The following MAGI2 variants were observed in gnomAD, a reference collection of about 807,000 sequenced individuals.
MAGI2 encodes the protein membrane-associated guanylate kinase, WW and PDZ domain-containing protein 2.
Under a neutral mutation model 133.3 loss-of-function variants are expected in MAGI2, and 35 were observed. That is an observed-to-expected ratio of 0.26 (90% CI 0.20 to 0.35). The LOEUF (loss-of-function observed/expected upper bound fraction) is 0.35. Among genes scored for constraint, MAGI2 ranks in the 10% least tolerant of loss-of-function variants. The pLI, the probability that MAGI2 is intolerant of heterozygous loss-of-function variation, is 1.00. For synonymous variants in MAGI2, 729 were observed against 710.6 expected (o/e 1.03, Z -0.41); for missense variants, 1,636 against 1,863.4 (o/e 0.88, Z 2.25).
At chr7:78,730,349 T>C (rs1337011405) in intron 2 of MAGI2, among the ~76,000 whole-genome samples, 1 of 150,536 alleles carries the variant, frequency 6.6e-6, no homozygotes, top group Non-Finnish European at 1.5e-5. Flanking sequence ...AGGAATGAAT[T>C]CCACGAATAT....
chr7:78,314,455 A>G (rs192333116), intron 9 of MAGI2, among the ~76,000 whole-genome samples: 2 of 152,296 alleles, frequency 1.3e-5, no homozygotes, highest in East Asian at 3.9e-4. Context: ...AGGGCATGGA[A>G]AAAGATGACT....
intron 6 of MAGI2, among the ~76,000 whole-genome samples, chr7:78,488,409 C>A (rs4996260): frequency 0.66 from 99,757 of 151,918 alleles, 33,234 homozygotes; most frequent in South Asian, 0.83. Flanking sequence ...TGAGAAGTTC[C>A]ATATGTCACA....
rs1353728930 is a variant in MAGI2, at chr7:79,453,126, C to A, written c.195G>T (p.Leu65=). ...CGGGGGTCTCGTTCACCTCCAGCAGCAGCTCCTCCGACACCAATTTGCTGC... is the reference window on the plus strand; with the variant it reads ...CGGGGGTCTCGTTCACCTCCAGCAGAAGCTCCTCCGACACCAATTTGCTGC... ...ESGSKLVSEE[L]LLEVNETPVA... is the part of the protein sequence containing the mutation. Residue 65 remains leucine, a synonymous_variant, in exon 1 of 22, where the codon CTG becomes CTT. Transcript: ENST00000354212. The A allele has an allele frequency of 6.2e-7, 1 of 1,613,988 alleles. No individual in the cohort carries two copies. The highest frequency in any genetic ancestry group is 2.2e-5 in the East Asian group (1 of 44,840).
intron 2 of MAGI2, among the ~76,000 whole-genome samples, chr7:78,653,641 G>C (rs1203678970): frequency 2.0e-5 from 3 of 152,044 alleles, no homozygotes; most frequent in Non-Finnish European, 4.4e-5. Flanking sequence ...TCAGGGGTTT[G>C]GGGGCTAGGG....
chr7:78,927,971 G>T (rs1799842583), intron 2 of MAGI2, among the ~76,000 whole-genome samples: 1 of 151,842 alleles, frequency 6.6e-6, no homozygotes. Flanking sequence ...TACTGAAATT[G>T]TAAATTTTTG....
chr7:78,823,369 G>C (rs1344391214), intron 2 of MAGI2, among the ~76,000 whole-genome samples: 1 of 152,192 alleles, frequency 6.6e-6, no homozygotes, highest in Admixed American at 6.5e-5. Flanking sequence ...GGATCACGAG[G>C]TCAGGAGATC....
chr7:78,348,678 T>A (rs1211273387), intron 7 of MAGI2, among the ~76,000 whole-genome samples: 1 of 152,210 alleles, frequency 6.6e-6, no homozygotes, highest in East Asian at 1.9e-4. Context: ...CCAATTACAT[T>A]CTTTAAGTTA....
At chr7:78,674,730 G>A (rs965465199) in intron 2 of MAGI2, among the ~76,000 whole-genome samples, 2 of 152,026 alleles carry the variant, frequency 1.3e-5, no homozygotes, top group Non-Finnish European at 2.9e-5. Flanking sequence ...GAGATTATAT[G>A]CAACTATTCA....
At chr7:78,574,200 C>T (rs568878834) in intron 3 of MAGI2, among the ~76,000 whole-genome samples, 13 of 152,240 alleles carry the variant, frequency 8.5e-5, no homozygotes, top group South Asian at 4.2e-4. Flanking sequence ...CTCCAGTTTC[C>T]GTGACTTTCC....
intron 1 of MAGI2, among the ~76,000 whole-genome samples, chr7:79,148,931 G>A (rs1822917969): frequency 1.4e-5 from 2 of 146,502 alleles, no homozygotes; most frequent in South Asian, 2.1e-4. Context: ...ATTCAGGAGA[G>A]TGTGGAAGGA....
At chr7:78,130,013 A>C (rs1821404444) in intron 18 of MAGI2, among the ~76,000 whole-genome samples, 1 of 151,958 alleles carries the variant, frequency 6.6e-6, no homozygotes, top group Non-Finnish European at 1.5e-5. Flanking sequence ...AAAGAAGTCA[A>C]TTTCCAATGC....
chr7:78,443,972 T>C (rs2151465426), intron 6 of MAGI2, among the ~76,000 whole-genome samples: 1 of 152,174 alleles, frequency 6.6e-6, no homozygotes, highest in South Asian at 2.1e-4. Flanking sequence ...TCTTATCACA[T>C]GGAGGTGTTG....
intron 6 of MAGI2, among the ~76,000 whole-genome samples, chr7:78,405,719 G>A (rs766185543): frequency 6.6e-6 from 1 of 151,882 alleles, no homozygotes; most frequent in Non-Finnish European, 1.5e-5. Flanking sequence ...AATAATAGAC[G>A]ATGCCTTCAC....
chr7:78,659,424 C>CAAAAAAAAAAAA (rs71085553), intron 2 of MAGI2, among the ~76,000 whole-genome samples: 2 of 23,676 alleles, frequency 8.4e-5, no homozygotes, highest in African/African-American at 1.8e-4. Flanking sequence ...GACTTCATCT[C>CAAAAAAAAAAAA]AAAAAAAAAA....
At chr7:78,354,432 T>C (rs1339413553) in intron 7 of MAGI2, among the ~76,000 whole-genome samples, 1 of 152,150 alleles carries the variant, frequency 6.6e-6, no homozygotes, top group Non-Finnish European at 1.5e-5. Flanking sequence ...ACACTCAGAA[T>C]ACCGGGCAAT....
chr7:78,181,095 G>A (rs1460214663), intron 13 of MAGI2, among the ~76,000 whole-genome samples: 3 of 151,846 alleles, frequency 2.0e-5, no homozygotes, highest in Admixed American at 1.3e-4. Flanking sequence ...AGCTCTCTTC[G>A]CAGATTGTGA....
chr7:78,046,040 G>A (rs1379095107), intron 21 of MAGI2, among the ~76,000 whole-genome samples: 1 of 152,070 alleles, frequency 6.6e-6, no homozygotes, highest in Non-Finnish European at 1.5e-5. Context: ...AAATTCAGGA[G>A]AGTTAGGAAC....
intron 2 of MAGI2, among the ~76,000 whole-genome samples, chr7:78,692,782 T>A (rs1354592732): frequency 1.3e-5 from 2 of 152,238 alleles, no homozygotes; most frequent in Admixed American, 6.5e-5. Flanking sequence ...AGTGTGTGGC[T>A]GTATTGTCTA....
chr7:78,373,670 G>A (rs1393249928), intron 6 of MAGI2, among the ~76,000 whole-genome samples: 1 of 152,044 alleles, frequency 6.6e-6, no homozygotes, highest in East Asian at 1.9e-4. Flanking sequence ...TGATGCTGAG[G>A]TTTGGGGTAT....
Sources: gnomAD v4.1 joint callset for allele counts (sites outside exome capture counted in the v4.1 genomes callset) on GRCh38, gnomAD v4.1.1 for gene constraint, MANE v1.5 for transcripts, NCBI Gene and HGNC (gene_info 2026-07-23, HGNC 2026-07-21) for gene names.